Variants in TRAPPC9 observed in about 807,000 individuals in gnomAD.
TRAPPC9 encodes the protein trafficking protein particle complex subunit 9, also known as IKK2 binding protein.
A neutral mutation model predicts 124.0 loss-of-function variants in TRAPPC9; 83 were observed. The observed-to-expected ratio is 0.67, with a 90% confidence interval of 0.56 to 0.80. TRAPPC9 has a LOEUF of 0.80. TRAPPC9 is among the 30% of genes least tolerant of loss of function. TRAPPC9 has a pLI of 0.00. For synonymous variants in TRAPPC9, 638 were observed against 617.5 expected (o/e 1.03, Z -0.49); for missense variants, 1,302 against 1,508.3 (o/e 0.86, Z 2.27).
chr8:140,422,890 A>C (rs1307721353), intron 5 of TRAPPC9, among the ~76,000 whole-genome samples: 1 of 152,180 alleles, frequency 6.6e-6, no homozygotes, highest in Non-Finnish European at 1.5e-5. Context: ...GAAGAGATGC[A>C]CATCATTAGC....
chr8:139,733,665 T>C (rs1032363833), intron 21 of TRAPPC9, among the ~76,000 whole-genome samples: 1 of 152,222 alleles, frequency 6.6e-6, no homozygotes, highest in Non-Finnish European at 1.5e-5. Context: ...GACATGATGG[T>C]GACACGCATA....
chr8:140,451,053 G>C lies in TRAPPC9; in HGVS notation c.321C>G (p.Gly107=). The change falls in exon 2 of 23, where the codon GGC becomes GGG. Residue 107 remains glycine (G), a synonymous_variant. Transcript: ENST00000438773. ...AGAGCCGGGAGTCATACAGTGTGGA[G>C]CCGTAGATCTCCTTCTGCACGTGGA... The part of the protein sequence containing the change: ...EKFHVQKEIY[G]STLYDSRLFV... 6.2e-7 allele frequency: 1 copy of C among 1,614,068 alleles called. No individual in the cohort carries two copies.
chr8:139,940,844 C>T (rs1267870599), intron 19 of TRAPPC9, among the ~76,000 whole-genome samples: 1 of 152,242 alleles, frequency 6.6e-6, no homozygotes, highest in Admixed American at 6.5e-5. Context: ...TTCACTCTTC[C>T]ACACAGAGGG....
intron 21 of TRAPPC9, among the ~76,000 whole-genome samples, chr8:139,828,164 T>C (rs945985484): frequency 1.3e-5 from 2 of 152,138 alleles, no homozygotes; most frequent in Non-Finnish European, 2.9e-5. Flanking sequence ...TGCAGGGCTG[T>C]GTTCCCCTCA....
intron 15 of TRAPPC9, among the ~76,000 whole-genome samples, chr8:140,273,715 G>A (rs550443390): frequency 5.9e-5 from 9 of 152,118 alleles, no homozygotes; most frequent in East Asian, 1.9e-4. Flanking sequence ...TTGCCTACTC[G>A]GGGAACAGCT....
At chr8:139,961,816 G>A (rs1043238871) in intron 19 of TRAPPC9, among the ~76,000 whole-genome samples, 1,308 of 123,718 alleles carry the variant, frequency 0.011, 190 homozygotes, top group African/African-American at 0.031. Flanking sequence ...GCACTTCCTC[G>A]CCTGTGAGGT....
chr8:140,326,974 G>C (rs922283290), intron 9 of TRAPPC9, among the ~76,000 whole-genome samples: 1 of 152,208 alleles, frequency 6.6e-6, no homozygotes, highest in Middle Eastern at 3.4e-3. Flanking sequence ...CATCCAGGCC[G>C]GGCGCGGTGG....
intron 9 of TRAPPC9, among the ~76,000 whole-genome samples, chr8:140,354,709 A>T (rs1311113785): frequency 6.6e-6 from 1 of 152,226 alleles, no homozygotes; most frequent in Non-Finnish European, 1.5e-5. Context: ...AATGTTAGTT[A>T]TCAAGTCTGT....
chr8:140,245,102 C>T (rs1046043911), intron 16 of TRAPPC9, among the ~76,000 whole-genome samples: 2 of 152,112 alleles, frequency 1.3e-5, no homozygotes, highest in Non-Finnish European at 2.9e-5. Context: ...CCGCGCCTGG[C>T]CTCTTCTTTT....
At chr8:139,846,982 C>T (rs78918528) in intron 21 of TRAPPC9, among the ~76,000 whole-genome samples, 2,474 of 152,362 alleles carry the variant, frequency 0.016, 64 homozygotes, top group African/African-American at 0.055. Flanking sequence ...CTATTCATTC[C>T]TTCAATCATG....
intron 21 of TRAPPC9, among the ~76,000 whole-genome samples, chr8:139,834,122 G>T (rs1331053009): frequency 6.6e-6 from 1 of 152,210 alleles, no homozygotes; most frequent in Non-Finnish European, 1.5e-5. Context: ...TTGTAAGCCT[G>T]AGGTGAGGTT....
At chr8:139,895,298 G>A (rs1442168828) in intron 20 of TRAPPC9, among the ~76,000 whole-genome samples, 1 of 152,114 alleles carries the variant, frequency 6.6e-6, no homozygotes, top group Non-Finnish European at 1.5e-5. Flanking sequence ...AGAGAACATT[G>A]CCTATGAAAT....
chr8:140,167,009 G>A (rs554501524), intron 17 of TRAPPC9, among the ~76,000 whole-genome samples: 1 of 152,264 alleles, frequency 6.6e-6, no homozygotes, highest in East Asian at 1.9e-4. Flanking sequence ...GCATGATCTC[G>A]CCATTATAGT....
chr8:140,360,393 C>A (rs557903713), intron 8 of TRAPPC9, among the ~76,000 whole-genome samples, 200 bp from the exon 9 acceptor site: 3 of 152,178 alleles, frequency 2.0e-5, no homozygotes, highest in Non-Finnish European at 4.4e-5. Context: ...ACAGCAAAAA[C>A]AGGCATTACA....
chr8:139,943,295 G>A (rs1287681808), intron 19 of TRAPPC9, among the ~76,000 whole-genome samples: 2 of 152,216 alleles, frequency 1.3e-5, no homozygotes, highest in East Asian at 3.9e-4. Context: ...TCGAACTCCT[G>A]ACCTCAGGTG....
intron 17 of TRAPPC9, among the ~76,000 whole-genome samples, chr8:140,164,193 C>T (rs1236153413): frequency 6.6e-6 from 1 of 152,206 alleles, no homozygotes; most frequent in Non-Finnish European, 1.5e-5. Context: ...CTCATTCTCT[C>T]CCAATGCTTA....
chr8:139,840,211 C>T (rs1015619579), intron 21 of TRAPPC9, among the ~76,000 whole-genome samples: 4 of 152,212 alleles, frequency 2.6e-5, no homozygotes, highest in East Asian at 1.9e-4. Flanking sequence ...ACTGTGGCTG[C>T]GGCGGCCCTG....
At chr8:139,881,213 C>T (rs950133417) in intron 21 of TRAPPC9, 2 of 152,186 alleles carry the variant, frequency 1.3e-5, no homozygotes, top group Non-Finnish European at 2.9e-5. Context: ...CCAGGAGTGG[C>T]AGCAGCTGGA....
intron 5 of TRAPPC9, among the ~76,000 whole-genome samples, chr8:140,409,412 C>A (rs2069614022): frequency 6.6e-6 from 1 of 152,160 alleles, no homozygotes; most frequent in African/African-American, 2.4e-5. Flanking sequence ...AGTAACACTA[C>A]ATTTATGTTT....
Sources: allele counts gnomAD v4.1 joint callset (sites outside exome capture counted in the v4.1 genomes callset), GRCh38; gene constraint gnomAD v4.1.1; transcripts MANE v1.5; gene names NCBI Gene and HGNC (gene_info 2026-07-23, HGNC 2026-07-21).